Variants in RB1 observed in about 807,000 individuals in gnomAD.
The protein encoded by RB1 is RB transcriptional corepressor 1, also known as retinoblastoma-associated protein.
In RB1, 18 loss-of-function variants were observed where a neutral mutation model predicts 135.4. That is an observed-to-expected ratio of 0.13 (90% CI 0.09 to 0.20). The LOEUF is 0.20. Ranked by LOEUF, RB1 falls within the 10% of genes least tolerant of loss-of-function variation. The pLI, the probability that RB1 is intolerant of heterozygous loss-of-function variation, is 1.00. For missense variants in RB1, 868 were observed against 1,110.0 expected, an observed-to-expected ratio of 0.78 and a Z score of 3.10; for synonymous variants, 365 against 373.2, an observed-to-expected ratio of 0.98 and a Z score of 0.25.
At chr13:48,362,033 T>C (rs1024533427) in intron 7 of RB1, among the ~76,000 whole-genome samples, 1 of 150,790 alleles carries the variant, frequency 6.6e-6, no homozygotes, top group African/African-American at 2.4e-5. Context: ...CTGCAAACTC[T>C]GCCTCCCGGG....
chr13:48,332,439 T>C (rs919710370), intron 2 of RB1, among the ~76,000 whole-genome samples: 1 of 152,042 alleles, frequency 6.6e-6, no homozygotes, highest in Non-Finnish European at 1.5e-5. Flanking sequence ...GGCGGTGACA[T>C]GTACTTGTAG....
intron 26 of RB1, 82 bp downstream of exon 26, chr13:48,477,486 T>G (rs1949511198): frequency 2.6e-6 from 3 of 1,152,514 alleles, no homozygotes; most frequent in Non-Finnish European, 3.9e-6. Context: ...TAAAAGAATG[T>G]ATAATTTCTT....
chr13:48,325,050 G>A (rs1227011559), intron 2 of RB1, among the ~76,000 whole-genome samples: 1 of 151,770 alleles, frequency 6.6e-6, no homozygotes, highest in Non-Finnish European at 1.5e-5. Flanking sequence ...TGTCATGGGG[G>A]TTTGTTGTAC....
chr13:48,431,402 A>G (rs966200111), intron 17 of RB1, among the ~76,000 whole-genome samples: 3 of 152,180 alleles, frequency 2.0e-5, no homozygotes, highest in Non-Finnish European at 4.4e-5. Context: ...ACATATTTTG[A>G]CTTTAGGCAT....
intron 17 of RB1, among the ~76,000 whole-genome samples, chr13:48,391,869 G>A (rs952148291): frequency 3.3e-5 from 5 of 151,678 alleles, no homozygotes; most frequent in Admixed American, 1.3e-4. Context: ...TGCCTGCCTC[G>A]GCCTCCTCCC....
In RB1 at chr13:48,459,701, C is replaced by T. The variant is rs2138335854; in HGVS notation, c.1974C>T (p.Ala658=). The change falls in exon 20 of 27, where the codon GCC becomes GCT. Residue 658 remains alanine (A), a synonymous_variant. Coordinates refer to ENST00000267163, the MANE Select transcript of RB1 (RefSeq NM_000321.3). ...TTATTCCCACAGTGTATCGGCTAGC[C>T]TATCTCCGGCTAAATACACTTTGTG... The part of the protein sequence containing the change: ...SLFYKKVYRL[A]YLRLNTLCER... The T allele has an allele frequency of 6.2e-7, 1 of 1,613,990 alleles. No individual in the cohort carries two copies. The highest frequency in any genetic ancestry group is 8.5e-7 in the Non-Finnish European group (1 of 1,179,988).
intron 2 of RB1, among the ~76,000 whole-genome samples, chr13:48,340,421 T>C (rs1392706507): frequency 2.0e-5 from 3 of 152,164 alleles, no homozygotes; most frequent in Non-Finnish European, 1.5e-5. Context: ...CAGAACCTAC[T>C]TGTAGAACAT....
At chr13:48,339,421 A>C (rs1952420643) in intron 2 of RB1, among the ~76,000 whole-genome samples, 1 of 152,054 alleles carries the variant, frequency 6.6e-6, no homozygotes, top group Admixed American at 6.5e-5. Context: ...TTGATCTCAG[A>C]CTGCTGTGCT....
rs576143206 is a variant in RB1, at chr13:48,309,281, A to G, written c.264+1875A>G. Among the ~76,000 whole-genome samples the G allele has an allele frequency of 5.3e-5, 8 of 152,360 alleles. No individual in the cohort carries two copies. The South Asian group carries it at 1.4e-3, about 28-fold the overall frequency. On this transcript the variant is annotated intron_variant, in intron 2 of 26. Coordinates refer to ENST00000267163, the MANE Select transcript of RB1 (RefSeq NM_000321.3). ...CTTTTAATGAATTTACTTTCTCAAC[A>G]TAGTAGTATAAGAGTATATATCTGT... is the stretch of plus-strand genomic sequence containing the variant.
At chr13:48,433,789 A>T (rs1949155233) in intron 17 of RB1, among the ~76,000 whole-genome samples, 1 of 151,798 alleles carries the variant, frequency 6.6e-6, no homozygotes, top group South Asian at 2.1e-4. Flanking sequence ...GCTTATTCAG[A>T]TTTATTCCAT....
At chr13:48,356,915 G>A (rs1952597116) in intron 6 of RB1, among the ~76,000 whole-genome samples, 2 of 151,922 alleles carry the variant, frequency 1.3e-5, no homozygotes, top group African/African-American at 4.8e-5. Flanking sequence ...CTATTCTTGA[G>A]TCATATTTTG....
rs1593549718 is a variant in RB1 at position 48,480,061 on chromosome 13, A to G, written c.2777A>G (p.Glu926Gly). ...MNDSMDTSNK[E>G]EK ...GATAGCATGGATACCTCAAACAAGG[A>G]AGAGAAATGAGGATCTCAGGACCTT... is the stretch of plus-strand genomic sequence containing the variant. Residue 926 changes from glutamate to glycine, a missense_variant, in exon 27 of 27, where the codon GAA becomes GGA. Transcript: ENST00000267163. 2 of 1,612,392 alleles carry G rather than the reference A, an allele frequency of 1.2e-6. No individual in the cohort carries two copies. The highest frequency in any genetic ancestry group is 2.2e-5 in the South Asian group (2 of 90,988).
chr13:48,464,906 A>C, intron 21 of RB1, 92 bp from the exon 22 acceptor site: 1 of 1,386,450 alleles, frequency 7.2e-7, no homozygotes. Context: ...AACTATTAGA[A>C]AAGAAAATCT....
intron 17 of RB1, among the ~76,000 whole-genome samples, chr13:48,386,192 T>G (rs1174470272): frequency 6.6e-6 from 1 of 152,000 alleles, no homozygotes; most frequent in Admixed American, 6.6e-5. Flanking sequence ...TTAAGTTAAC[T>G]TTGGTTAGGC....
At chr13:48,376,499 CA>C (rs751662834) in intron 12 of RB1, among the ~76,000 whole-genome samples, 4,691 of 65,926 alleles carry the variant, frequency 0.071, 141 homozygotes, top group African/African-American at 0.16. Context: ...CACTTCATCT[CA>C]AAAAAAAAAA....
chr13:48,318,489 C>T lies in RB1; in HGVS notation c.264+11083C>T, dbSNP rs934144133. 4.2e-6 allele frequency: 5 copies of T among 1,190,196 alleles called. No individual in the cohort carries two copies. The African/African-American group carries it at 6.2e-5, about 15-fold the overall frequency. The allele number at this position is 1,190,196 out of a possible 1,614,324, so 73.7% of individuals were successfully genotyped here. A position where few individuals can be genotyped will look rare whatever the true frequency, so the allele number is the denominator to read the frequency against. On this transcript the variant is annotated intron_variant, in intron 2 of 26. Coordinates refer to ENST00000267163, the MANE Select transcript of RB1 (RefSeq NM_000321.3). ...CAGGTGCCTCACCTCGTCTGTCTTACCCTGGCCCTGCGTCATGCGAGTGTC... is the reference window on the plus strand; with the variant it reads ...CAGGTGCCTCACCTCGTCTGTCTTATCCTGGCCCTGCGTCATGCGAGTGTC...
intron 17 of RB1, among the ~76,000 whole-genome samples, chr13:48,386,787 G>T (rs1050305361): frequency 1.3e-5 from 2 of 152,092 alleles, no homozygotes; most frequent in Non-Finnish European, 2.9e-5. Flanking sequence ...GAATGTGAGA[G>T]ATTTGTAAAC....
chr13:48,478,604 AC>A (rs1949518149), intron 26 of RB1, among the ~76,000 whole-genome samples: 1 of 152,208 alleles, frequency 6.6e-6, no homozygotes, highest in Non-Finnish European at 1.5e-5. Context: ...TCCCAGTGAC[AC>A]ACTTAGCTAT....
intron 23 of RB1, among the ~76,000 whole-genome samples, chr13:48,472,084 A>G (rs1334628563): frequency 6.6e-6 from 1 of 152,188 alleles, no homozygotes; most frequent in Non-Finnish European, 1.5e-5. Context: ...TTGACTAATT[A>G]TATGTTATCA....
Sources: allele counts gnomAD v4.1 joint callset (sites outside exome capture counted in the v4.1 genomes callset), GRCh38; gene constraint gnomAD v4.1.1; transcripts MANE v1.5; gene names NCBI Gene and HGNC (gene_info 2026-07-23, HGNC 2026-07-21).